NTM: variants seen among roughly 807,000 people sequenced by gnomAD.
NTM encodes the protein neurotrimin.
In NTM, 13 loss-of-function variants were observed where a neutral mutation model predicts 42.1. That is an observed-to-expected ratio of 0.31 (90% CI 0.20 to 0.49). NTM has a LOEUF of 0.49. NTM is among the 20% of genes least tolerant of loss of function. The probability of loss-of-function intolerance (pLI) is 0.99; values close to 1 mark genes in which losing one functional copy is unlikely to be tolerated. For missense variants in NTM, 373 were observed against 452.8 expected, an observed-to-expected ratio of 0.82 and a Z score of 1.60; for synonymous variants, 187 against 179.2, an observed-to-expected ratio of 1.04 and a Z score of -0.35.
intron 1 of NTM, among the ~76,000 whole-genome samples, chr11:131,423,609 A>T (rs980394609): frequency 6.6e-6 from 1 of 152,174 alleles, no homozygotes; most frequent in Admixed American, 6.5e-5. Context: ...TTCCAGGGGC[A>T]CAAAGTCGAC....
intron 1 of NTM, among the ~76,000 whole-genome samples, chr11:131,457,047 A>G (rs1190736415): frequency 6.6e-6 from 1 of 152,206 alleles, no homozygotes; most frequent in East Asian, 1.9e-4. Context: ...AACATATTAC[A>G]AATCAATAAT....
chr11:131,563,236 G>A (rs1203301064), intron 1 of NTM, among the ~76,000 whole-genome samples: 2 of 152,104 alleles, frequency 1.3e-5, no homozygotes, highest in Non-Finnish European at 2.9e-5. Flanking sequence ...TTATATCACT[G>A]GAGCCTTAGC....
intron 1 of NTM, among the ~76,000 whole-genome samples, chr11:131,710,301 T>C (rs2076990464): frequency 6.6e-6 from 1 of 152,162 alleles, no homozygotes; most frequent in South Asian, 2.1e-4. Flanking sequence ...CTTAATGACA[T>C]GGAAAAATAC....
intron 2 of NTM, among the ~76,000 whole-genome samples, chr11:132,008,248 G>A (rs2071266799): frequency 6.6e-6 from 1 of 152,032 alleles, no homozygotes; most frequent in South Asian, 2.1e-4. Context: ...GCATCTCTTT[G>A]GACAAGGTTT....
At chr11:131,822,994 T>G (rs1451008541) in intron 1 of NTM, among the ~76,000 whole-genome samples, 1 of 152,180 alleles carries the variant, frequency 6.6e-6, no homozygotes, top group African/African-American at 2.4e-5. Flanking sequence ...CTCCTTCCCT[T>G]CCTTTCTGCC....
intron 1 of NTM, among the ~76,000 whole-genome samples, chr11:131,696,639 C>T (rs1360019348): frequency 5.9e-5 from 9 of 152,200 alleles, no homozygotes; most frequent in Non-Finnish European, 1.0e-4. Context: ...GATGATACTG[C>T]TCTCCTAATG....
intron 1 of NTM, among the ~76,000 whole-genome samples, chr11:131,372,318 C>A (rs1334922115): frequency 6.6e-6 from 1 of 152,126 alleles, no homozygotes; most frequent in African/African-American, 2.4e-5. Flanking sequence ...CTGCACCCAA[C>A]CCCAGGAGGC....
intron 1 of NTM, among the ~76,000 whole-genome samples, chr11:131,787,354 G>GATTATT (rs149079341): frequency 0.057 from 8,210 of 144,366 alleles, 504 homozygotes; most frequent in African/African-American, 0.16. Context: ...CATAATACAA[G>GATTATT]ATTATTATTA....
Position 131,389,410 on chromosome 11 carries a change from C to T in NTM, c.82+18522C>T, listed in dbSNP as rs557588436. The stretch of plus-strand genomic sequence containing the variant: ...CAGCCTCGGCAAAGCGGCAGCCTGG[C>T]GGGCGGCAGAAGAAATTTCAGGATT... On this transcript the variant is annotated intron_variant, in intron 1 of 8. Coordinates refer to ENST00000683400, the MANE Select transcript of NTM (RefSeq NM_001352005.2). 3.9e-4 allele frequency among the ~76,000 whole-genome samples: 60 copies of T among 152,290 alleles called. 1 individual carries two copies. In the South Asian group the frequency reaches 5.6e-3, roughly 14 times the overall value.
At chr11:132,006,919 G>C (rs572375386) in intron 2 of NTM, among the ~76,000 whole-genome samples, 1 of 152,322 alleles carries the variant, frequency 6.6e-6, no homozygotes, top group South Asian at 2.1e-4. Context: ...ACATTGACTA[G>C]TGCTGGCCAA....
intron 1 of NTM, among the ~76,000 whole-genome samples, chr11:131,780,494 T>C (rs1395188013): frequency 2.6e-5 from 4 of 152,126 alleles, no homozygotes; most frequent in Admixed American, 2.6e-4. Flanking sequence ...GAAGTGGGTG[T>C]ATGGGTCTGA....
At chr11:131,481,228 CAAGAG>C (rs775406083) in intron 1 of NTM, among the ~76,000 whole-genome samples, 1 of 152,092 alleles carries the variant, frequency 6.6e-6, no homozygotes, top group Non-Finnish European at 1.5e-5. Flanking sequence ...TATTGAAGGT[CAAGAG>C]AAGTAGAGAT....
intron 2 of NTM, among the ~76,000 whole-genome samples, chr11:132,070,186 C>T (rs2057321368): frequency 6.8e-6 from 1 of 146,678 alleles, no homozygotes; most frequent in Admixed American, 6.8e-5. Flanking sequence ...TAACACGTCA[C>T]ACAGCCAAGT....
chr11:131,469,897 G>C (rs1952267789), intron 1 of NTM, among the ~76,000 whole-genome samples: 1 of 152,182 alleles, frequency 6.6e-6, no homozygotes, highest in African/African-American at 2.4e-5. Context: ...AGCATGAGGG[G>C]ATTCAATGCA....
chr11:131,646,393 A>G (rs1359720476), intron 1 of NTM, among the ~76,000 whole-genome samples: 2 of 152,204 alleles, frequency 1.3e-5, no homozygotes, highest in Non-Finnish European at 2.9e-5. Context: ...AAAGAAAAAA[A>G]ATTCTACAAG....
Position 131,641,502 on chromosome 11 carries a change from T to C in NTM, c.83-270062T>C, listed in dbSNP as rs972631921. Among the ~76,000 whole-genome samples, 3 of 152,138 alleles carry C rather than the reference T, an allele frequency of 2.0e-5. No homozygotes were observed. The East Asian group carries it at 5.8e-4, about 29-fold the overall frequency. ...CTCTGAGACCTCCATGGATCCCTGG[T>C]CTGGTGAGGTCAAATGAAGAGAAAG... On this transcript the variant is annotated intron_variant, in intron 1 of 8. Transcript: ENST00000683400.
chr11:132,224,405 C>A (rs938598235), intron 4 of NTM, among the ~76,000 whole-genome samples: 1 of 151,952 alleles, frequency 6.6e-6, no homozygotes, highest in Admixed American at 6.6e-5. Flanking sequence ...GGGGGAAATT[C>A]TTTTCTCTAG....
chr11:132,032,764 C>A (rs2076083916), intron 2 of NTM, among the ~76,000 whole-genome samples: 1 of 152,192 alleles, frequency 6.6e-6, no homozygotes, highest in African/African-American at 2.4e-5. Context: ...GAAGGCTCCT[C>A]TGGGTTTGTA....
intron 1 of NTM, among the ~76,000 whole-genome samples, chr11:131,488,505 C>T (rs1377467234): frequency 1.3e-5 from 2 of 152,216 alleles, no homozygotes; most frequent in Non-Finnish European, 2.9e-5. Context: ...CACAGCATTG[C>T]CTCTGCCTCA....
Sources: gnomAD v4.1 joint callset for allele counts (sites outside exome capture counted in the v4.1 genomes callset) on GRCh38, gnomAD v4.1.1 for gene constraint, MANE v1.5 for transcripts, NCBI Gene and HGNC (gene_info 2026-07-23, HGNC 2026-07-21) for gene names.